NMRK1: variants seen among roughly 807,000 people sequenced by gnomAD.
The protein encoded by NMRK1 is nicotinamide riboside kinase 1, also known as NRK 1.
Under a neutral mutation model 29.9 loss-of-function variants are expected in NMRK1, and 28 were observed. The observed-to-expected ratio is 0.94, with a 90% CI of 0.69 to 1.28. NMRK1 has a LOEUF of 1.28. Among genes scored for constraint, NMRK1 ranks in the 50% most tolerant of loss-of-function variants. The pLI, the probability that NMRK1 is intolerant of heterozygous loss-of-function variation, is 0.00. For synonymous variants in NMRK1, 58 were observed against 73.0 expected, an observed-to-expected ratio of 0.79 and a Z score of 1.05; for missense variants, 218 against 233.1, an observed-to-expected ratio of 0.94 and a Z score of 0.42.
Position 75,063,295 on chromosome 9 carries a change from G to C in NMRK1, c.581-1728C>G, listed in dbSNP as rs4745376. 2.0e-4 allele frequency among the ~76,000 whole-genome samples: 28 copies of C among 138,014 alleles called. No individual in the cohort carries two copies. In the East Asian group the frequency reaches 4.6e-3, roughly 23 times the overall value. 90.5% of individuals were successfully genotyped at this position (138,014 alleles called of 152,430 possible). On this transcript the variant is annotated intron_variant, in intron 8 of 8. Transcript: ENST00000361092. ...CACTCCAGCCTGGGCGACAGAGCGA[G>C]ACTCCATCTCAAAAAAAAAAAAAAA...
At chr9:75,071,207 TGAGTA>T (rs1564130804) in intron 4 of NMRK1, among the ~76,000 whole-genome samples, 1 of 152,228 alleles carries the variant, frequency 6.6e-6, no homozygotes, top group Non-Finnish European at 1.5e-5. Flanking sequence ...TTGTTCAGAT[TGAGTA>T]ATTTGTATTG....
intron 7 of NMRK1, among the ~76,000 whole-genome samples, chr9:75,067,807 A>G (rs1365003912): frequency 6.6e-6 from 1 of 152,232 alleles, no homozygotes; most frequent in Non-Finnish European, 1.5e-5. Context: ...TGCATTCCAC[A>G]TGGCTCTGAC....
chr9:75,081,628 G>A (rs1460489682), intron 2 of NMRK1, among the ~76,000 whole-genome samples: 3 of 152,186 alleles, frequency 2.0e-5, no homozygotes, highest in African/African-American at 7.2e-5. Flanking sequence ...ATTGGATCCT[G>A]TAGTGGACTT....
intron 2 of NMRK1, among the ~76,000 whole-genome samples, chr9:75,082,144 T>C (rs1055574564): frequency 6.6e-5 from 10 of 152,172 alleles, no homozygotes; most frequent in African/African-American, 2.4e-4. Flanking sequence ...ATGTTCTGTA[T>C]GAAGATTAAA....
chr9:75,077,640 T>C lies in NMRK1; in HGVS notation c.30-60A>G, dbSNP rs1158161776. The stretch of plus-strand genomic sequence containing the variant: ...AAATGCATTAAAAATCATTAAACAC[T>C]TTTTTTTTTTTGAGAGACAGGGTCT... On this transcript the variant is annotated intron_variant, in intron 2 of 8. Coordinates refer to ENST00000361092, the MANE Select transcript of NMRK1 (RefSeq NM_017881.3). 29 of 34,610 alleles carry C rather than the reference T, an allele frequency of 8.4e-4. No homozygotes were observed. The East Asian group carries it at 0.018, about 22-fold the overall frequency. 2.1% of individuals were successfully genotyped at this position (34,610 alleles called of 1,614,324 possible). A position where few individuals can be genotyped will look rare whatever the true frequency, so the allele number is the denominator to read the frequency against.
At chr9:75,070,153 T>A in intron 4 of NMRK1, 111 bp from the exon 5 acceptor site, 2 of 735,238 alleles carry the variant, frequency 2.7e-6, no homozygotes, top group Non-Finnish European at 4.3e-6. Context: ...CACCATTTTA[T>A]TTCCCTTCAA....
chr9:75,069,064 A>C lies in NMRK1; in HGVS notation c.428T>G (p.Phe143Cys), dbSNP rs773830497. 1 of 1,614,000 alleles carries C rather than the reference A, an allele frequency of 6.2e-7. No individual in the cohort carries two copies. The highest frequency in any genetic ancestry group is 8.5e-7 in the Non-Finnish European group (1 of 1,179,980). The change falls in exon 7 of 9, where the codon TTT (phenylalanine) becomes TGT (cysteine). Residue 143 changes from phenylalanine (F) to cysteine (C), a missense_variant. By Grantham distance (205) the Phe-to-Cys change is radical. Transcript: ENST00000361092. ...ATACATGGGCCACACATGGCCATCAAAGTATCCCGGAGAGTCTGGAGGCTG... is the reference window on the plus strand; with the variant it reads ...ATACATGGGCCACACATGGCCATCACAGTATCCCGGAGAGTCTGGAGGCTG... Reference protein sequence around the residue: ...VYQPPDSPGYFDGHVWPMYLK... With the variant: ...VYQPPDSPGYCDGHVWPMYLK...
chr9:75,063,345 G>GA, intron 8 of NMRK1, among the ~76,000 whole-genome samples: 1 of 147,944 alleles, frequency 6.8e-6, no homozygotes, highest in East Asian at 2.0e-4. Context: ...CTCCATATGA[G>GA]AAAAATAAAA....
At chr9:75,074,537 C>T (rs961505792) in intron 4 of NMRK1, among the ~76,000 whole-genome samples, 1 of 152,040 alleles carries the variant, frequency 6.6e-6, no homozygotes, top group Admixed American at 6.6e-5. Context: ...CAGGTGCGCA[C>T]CACCACACCT....
intron 7 of NMRK1, among the ~76,000 whole-genome samples, chr9:75,068,428 T>C (rs1823493780): frequency 6.6e-6 from 1 of 152,218 alleles, no homozygotes. Flanking sequence ...TAGAAAGCTT[T>C]CTCAACACCA....
At chr9:75,074,048 C>A (rs570691356) in intron 4 of NMRK1, among the ~76,000 whole-genome samples, 9 of 151,932 alleles carry the variant, frequency 5.9e-5, no homozygotes, top group Non-Finnish European at 8.8e-5. Flanking sequence ...TGTCCTTATA[C>A]ATATCCTTTT....
intron 8 of NMRK1, among the ~76,000 whole-genome samples, chr9:75,062,107 A>T (rs938543751): frequency 6.6e-6 from 1 of 152,202 alleles, no homozygotes; most frequent in African/African-American, 2.4e-5. Context: ...CTTTGACTAC[A>T]TAAGTGACAC....
At chr9:75,066,698 A>C (rs1823371315) in intron 8 of NMRK1, 59 bp downstream of exon 8, 1 of 912,672 alleles carries the variant, frequency 1.1e-6, no homozygotes, top group Non-Finnish European at 1.8e-6. Flanking sequence ...TTCATATGTA[A>C]TGAATGATTT....
chr9:75,080,949 A>G (rs1417682175), intron 2 of NMRK1, among the ~76,000 whole-genome samples: 2 of 152,226 alleles, frequency 1.3e-5, no homozygotes, highest in Non-Finnish European at 2.9e-5. Context: ...AGCCTGCAGA[A>G]CAGTGAGCCA....
rs760622686 is a variant in NMRK1 at position 75,078,361 on chromosome 9, C to A, written c.30-781G>T. 1.6e-5 allele frequency: 25 copies of A among 1,572,676 alleles called. No individual in the cohort carries two copies. The African/African-American group carries it at 2.7e-4, about 17-fold the overall frequency. Reference sequence around the variant, plus strand: ...CATTTCCTCTGCGATGCCTCCTTTTCCCCATCTCTCTCCACCTGGGGGCCA... The same window carrying A: ...CATTTCCTCTGCGATGCCTCCTTTTACCCATCTCTCTCCACCTGGGGGCCA... On this transcript the variant is annotated intron_variant, in intron 2 of 8. Transcript: ENST00000361092.
intron 1 of NMRK1, among the ~76,000 whole-genome samples, chr9:75,084,470 G>C (rs1182422299): frequency 6.6e-6 from 1 of 152,214 alleles, no homozygotes; most frequent in African/African-American, 2.4e-5. Flanking sequence ...ACAAGTCTAT[G>C]TGAGACAAGA....
Position 75,077,025 on chromosome 9 carries a change from T to C in NMRK1, c.169+134A>G, listed in dbSNP as rs1824029216. Reference sequence around the variant, plus strand: ...TATTTAAACACATTTTAAGACTGCCTTCACAGATATAGTGAAGTTCTTTTT... The same window carrying C: ...TATTTAAACACATTTTAAGACTGCCCTCACAGATATAGTGAAGTTCTTTTT... On this transcript the variant is annotated intron_variant, in intron 4 of 8. Coordinates refer to ENST00000361092, the MANE Select transcript of NMRK1 (RefSeq NM_017881.3). 1.1e-5 allele frequency: 7 copies of C among 618,598 alleles called. No individual in the cohort carries two copies. In the East Asian group the frequency reaches 1.9e-4, roughly 17 times the overall value. The allele number at this position is 618,598 out of a possible 1,614,324, so 38.3% of individuals were successfully genotyped here. A position where few individuals can be genotyped will look rare whatever the true frequency, so the allele number is the denominator to read the frequency against.
intron 2 of NMRK1, among the ~76,000 whole-genome samples, chr9:75,081,520 C>T (rs1268129441): frequency 6.6e-6 from 1 of 152,090 alleles, no homozygotes; most frequent in Non-Finnish European, 1.5e-5. Context: ...ACCTAGTACA[C>T]AGGACAAGAC....
chr9:75,084,241 A>C (rs929045443), intron 1 of NMRK1, among the ~76,000 whole-genome samples: 4 of 152,200 alleles, frequency 2.6e-5, no homozygotes, highest in African/African-American at 9.6e-5. Flanking sequence ...GGGGGTTGCC[A>C]GGGACCTAGG....
Sources: allele counts gnomAD v4.1 joint callset (sites outside exome capture counted in the v4.1 genomes callset), GRCh38; gene constraint gnomAD v4.1.1; transcripts MANE v1.5; gene names NCBI Gene and HGNC (gene_info 2026-07-23, HGNC 2026-07-21).